The following SPOCK3 variants were observed in gnomAD, a reference collection of about 807,000 sequenced individuals.
SPOCK3 encodes testican-3.
SPOCK3 carries 30 observed loss-of-function variants against 56.6 expected under a neutral mutation model. That is an observed-to-expected ratio of 0.53 (90% CI 0.40 to 0.72). SPOCK3 has a LOEUF of 0.72. SPOCK3 is among the 30% of genes least tolerant of loss of function. SPOCK3 has a pLI of 0.00. For missense variants in SPOCK3, 527 were observed against 530.0 expected, an observed-to-expected ratio of 0.99 and a Z score of 0.06; for synonymous variants, 196 against 183.3, an observed-to-expected ratio of 1.07 and a Z score of -0.56.
At chr4:166,972,611 A>G (rs1442118169) in intron 4 of SPOCK3, among the ~76,000 whole-genome samples, 1 of 152,218 alleles carries the variant, frequency 6.6e-6, no homozygotes, top group Non-Finnish European at 1.5e-5. Context: ...CAAATGCTTC[A>G]TAACCTATTT....
At chr4:166,926,747 C>CA (rs1739152666) in intron 4 of SPOCK3, among the ~76,000 whole-genome samples, 1 of 151,998 alleles carries the variant, frequency 6.6e-6, no homozygotes, top group East Asian at 1.9e-4. Flanking sequence ...TATTTTTAGA[C>CA]AAAAATCATC....
At chr4:166,873,939 A>G (rs1732782096) in intron 6 of SPOCK3, among the ~76,000 whole-genome samples, 2 of 152,174 alleles carry the variant, frequency 1.3e-5, no homozygotes, top group Non-Finnish European at 1.5e-5. Flanking sequence ...TTTGATAATA[A>G]TATTGTTAAG....
At chr4:166,965,040 C>T (rs1200607620) in intron 4 of SPOCK3, among the ~76,000 whole-genome samples, 1 of 151,834 alleles carries the variant, frequency 6.6e-6, no homozygotes, top group African/African-American at 2.4e-5. Flanking sequence ...AGCTCTTACA[C>T]TTTTTTGAAA....
chr4:167,020,104 T>A (rs1335252537), intron 3 of SPOCK3, among the ~76,000 whole-genome samples: 1 of 152,082 alleles, frequency 6.6e-6, no homozygotes, highest in East Asian at 1.9e-4. Flanking sequence ...ACCAATCTCA[T>A]GGAGGCAGAT....
In SPOCK3 at chr4:167,000,347, A is replaced by C. The variant is rs751840995; in HGVS notation, c.350+2T>G. 4 of 1,471,448 alleles carry C rather than the reference A, an allele frequency of 2.7e-6. No homozygotes were observed. The highest frequency in any genetic ancestry group is 3.8e-6 in the Non-Finnish European group (4 of 1,065,002). The allele number at this position is 1,471,448 out of a possible 1,614,324, so 91.1% of individuals were successfully genotyped here. A position where few individuals can be genotyped will look rare whatever the true frequency, so the allele number is the denominator to read the frequency against. On this transcript the variant is annotated splice_donor_variant, in intron 4 of 10. Transcript: ENST00000357545. LOFTEE classifies it high-confidence loss of function. ...AGTGGGATTAAATTTAACAATGTTT[A>C]CCTGTGTGTAAGCCTCCGGTGACTA...
chr4:167,112,393 T>C (rs1458045048), intron 2 of SPOCK3, among the ~76,000 whole-genome samples: 1 of 152,118 alleles, frequency 6.6e-6, no homozygotes, highest in Non-Finnish European at 1.5e-5. Flanking sequence ...TATGACTAGA[T>C]AGGTACTGAC....
intron 6 of SPOCK3, among the ~76,000 whole-genome samples, chr4:166,794,230 A>T (rs1198515353): frequency 6.6e-6 from 1 of 151,292 alleles, no homozygotes; most frequent in Admixed American, 6.6e-5. Context: ...AAAAAAAAAA[A>T]AAAATAGCAC....
chr4:166,797,339 T>C (rs992874183), intron 6 of SPOCK3, among the ~76,000 whole-genome samples: 2 of 150,958 alleles, frequency 1.3e-5, no homozygotes, highest in Non-Finnish European at 3.0e-5. Flanking sequence ...AGCTTTGATA[T>C]TTGCTTTATT....
chr4:167,107,711 C>A (rs1760287778), intron 2 of SPOCK3, among the ~76,000 whole-genome samples: 1 of 151,606 alleles, frequency 6.6e-6, no homozygotes, highest in Non-Finnish European at 1.5e-5. Context: ...AACTTAAAGA[C>A]ATCACAAAAA....
Position 167,190,933 on chromosome 4 carries a change from G to C in SPOCK3, c.189+43052C>G, listed in dbSNP as rs140407051. Among the ~76,000 whole-genome samples the C allele has an allele frequency of 2.4e-3, 349 of 145,340 alleles. 21 individuals carry two copies. The highest frequency in any genetic ancestry group is 1.9e-3 in the Non-Finnish European group (128 of 66,576). On this transcript the variant is annotated intron_variant, in intron 2 of 10. Transcript: ENST00000357545. Reference sequence around the variant, plus strand: ...TTGACAAAGGTTAGTCTACCATTAAGTGCATTAATTGACTTCTGATCTCTT... The same window carrying C: ...TTGACAAAGGTTAGTCTACCATTAACTGCATTAATTGACTTCTGATCTCTT...
At chr4:166,915,057 T>C (rs1023454352) in intron 4 of SPOCK3, among the ~76,000 whole-genome samples, 8 of 152,152 alleles carry the variant, frequency 5.3e-5, no homozygotes. Context: ...ACCAACAATA[T>C]ACAAATGCAT....
chr4:166,814,222 C>T (rs975513182), intron 6 of SPOCK3, among the ~76,000 whole-genome samples: 14 of 152,052 alleles, frequency 9.2e-5, no homozygotes, highest in African/African-American at 2.7e-4. Flanking sequence ...AGCTTAGAGT[C>T]GAATTTGGCT....
chr4:166,762,962 G>C (rs1020832857), intron 7 of SPOCK3, among the ~76,000 whole-genome samples: 7 of 151,980 alleles, frequency 4.6e-5, no homozygotes, highest in Non-Finnish European at 8.8e-5. Context: ...AAGAATACTC[G>C]AAGTGTGGGG....
At chr4:166,754,261 G>T in intron 8 of SPOCK3, 1 of 1,169,162 alleles carries the variant, frequency 8.6e-7, no homozygotes, top group African/African-American at 1.6e-5. Context: ...GCTCATAATG[G>T]AAACTATAAT....
intron 2 of SPOCK3, among the ~76,000 whole-genome samples, chr4:167,220,284 C>T (rs1318700436): frequency 6.6e-6 from 1 of 150,718 alleles, no homozygotes; most frequent in African/African-American, 2.4e-5. Flanking sequence ...GGTGGTGGCA[C>T]AACTGTAGAA....
At chr4:167,117,460 A>G (rs1440620674) in intron 2 of SPOCK3, among the ~76,000 whole-genome samples, 6 of 152,092 alleles carry the variant, frequency 3.9e-5, no homozygotes, top group Non-Finnish European at 8.8e-5. Flanking sequence ...GAGCAGCAGA[A>G]AGCTGCAACA....
At chr4:166,897,272 G>A (rs935587869) in intron 5 of SPOCK3, among the ~76,000 whole-genome samples, 7 of 152,070 alleles carry the variant, frequency 4.6e-5, no homozygotes, top group Admixed American at 2.0e-4. Context: ...ACAAGTACCC[G>A]ATGTATTGCT....
chr4:167,234,162 C>T lies in SPOCK3; in HGVS notation c.12G>A (p.Val4=), dbSNP rs1737489418. The change falls in exon 2 of 11, where the codon GTG becomes GTA. Residue 4 remains valine (V), a synonymous_variant. Transcript: ENST00000357545. MLK[V]SAVLCVCAAA... ...CTGCACACACACACAGTACGGCTGA[C>T]ACCTTGAGCATCTGGGAGAGGAGAC... 6.2e-7 allele frequency: 1 copy of T among 1,613,500 alleles called. No homozygotes were observed.
chr4:167,135,400 G>A (rs913894740), intron 2 of SPOCK3, among the ~76,000 whole-genome samples: 3 of 152,126 alleles, frequency 2.0e-5, no homozygotes, highest in Non-Finnish European at 2.9e-5. Context: ...TTAATAGAAA[G>A]TGCATAGATC....
Sources: allele counts gnomAD v4.1 joint callset (sites outside exome capture counted in the v4.1 genomes callset), GRCh38; gene constraint gnomAD v4.1.1; transcripts MANE v1.5; gene names NCBI Gene and HGNC (gene_info 2026-07-23, HGNC 2026-07-21).